SMOC2: variants seen among roughly 807,000 people sequenced by gnomAD.
SMOC2 encodes SPARC related modular calcium binding 2.
In SMOC2, 39 loss-of-function variants were observed where a neutral mutation model predicts 61.4. The ratio of observed to expected loss-of-function variants is 0.64; its 90% CI spans 0.49 to 0.83. The LOEUF (loss-of-function observed/expected upper bound fraction) is 0.83, where lower values mean the gene tolerates loss of function less well. Among genes scored for constraint, SMOC2 ranks in the 40% least tolerant of loss-of-function variants. The pLI, the probability that SMOC2 is intolerant of heterozygous loss-of-function variation, is 0.00. For synonymous variants in SMOC2, 247 were observed against 239.9 expected, an observed-to-expected ratio of 1.03 and a Z score of -0.27; for missense variants, 556 against 592.9, an observed-to-expected ratio of 0.94 and a Z score of 0.65.
At chr6:168,573,880 C>A (rs1454979528) in intron 7 of SMOC2, among the ~76,000 whole-genome samples, 1 of 152,202 alleles carries the variant, frequency 6.6e-6, no homozygotes, top group Non-Finnish European at 1.5e-5. Context: ...CAGATCTTAT[C>A]TCCAGTGACT....
chr6:168,536,954 G>A (rs993441876), intron 4 of SMOC2, among the ~76,000 whole-genome samples: 1 of 152,116 alleles, frequency 6.6e-6, no homozygotes, highest in East Asian at 2.0e-4. Context: ...TGGCAGGGTC[G>A]GGGCAGCAGG....
At chr6:168,502,125 G>A (rs16887004) in intron 1 of SMOC2, among the ~76,000 whole-genome samples, 4,801 of 152,314 alleles carry the variant, frequency 0.032, 352 homozygotes, top group East Asian at 0.22. Context: ...ACACAGTAGA[G>A]TTGAAATGGC....
At chr6:168,551,252 T>TC (rs1313271214) in intron 7 of SMOC2, among the ~76,000 whole-genome samples, 7 of 151,934 alleles carry the variant, frequency 4.6e-5, no homozygotes, top group African/African-American at 1.7e-4. Context: ...GAACCGTGAG[T>TC]CCATTAAACC....
At chr6:168,539,757 C>T (rs942409404) in intron 4 of SMOC2, among the ~76,000 whole-genome samples, 2 of 152,204 alleles carry the variant, frequency 1.3e-5, no homozygotes, top group Non-Finnish European at 2.9e-5. Flanking sequence ...TGCGTGGTCT[C>T]CTGGCCCTCC....
chr6:168,472,250 C>A (rs566681657), intron 1 of SMOC2, among the ~76,000 whole-genome samples: 1 of 152,242 alleles, frequency 6.6e-6, no homozygotes, highest in East Asian at 1.9e-4. Context: ...GGTCCAACTT[C>A]GTTGTTTTGC....
chr6:168,547,786 T>C (rs1448132889), intron 6 of SMOC2, among the ~76,000 whole-genome samples: 4 of 152,024 alleles, frequency 2.6e-5, no homozygotes, highest in African/African-American at 4.8e-5. Context: ...TCCAGCCTTA[T>C]GAGGGCACCC....
At chr6:168,523,622 A>T (rs1012931619) in intron 2 of SMOC2, among the ~76,000 whole-genome samples, 2 of 150,794 alleles carry the variant, frequency 1.3e-5, no homozygotes, top group African/African-American at 4.9e-5. Context: ...GATGGTCTTC[A>T]TCTCCTGACC....
intron 1 of SMOC2, among the ~76,000 whole-genome samples, chr6:168,451,887 C>G (rs991210739): frequency 1.3e-5 from 2 of 152,144 alleles, no homozygotes; most frequent in African/African-American, 4.8e-5. Context: ...CTCTTGGCAT[C>G]TCTCCCACCA....
At chr6:168,474,187 G>A (rs1045910939) in intron 1 of SMOC2, among the ~76,000 whole-genome samples, 1 of 152,104 alleles carries the variant, frequency 6.6e-6, no homozygotes, top group Admixed American at 6.5e-5. Flanking sequence ...GCACAGACCC[G>A]ATCCTGGCTT....
intron 7 of SMOC2, among the ~76,000 whole-genome samples, chr6:168,592,656 C>T (rs1212827745): frequency 7.7e-6 from 1 of 130,388 alleles, no homozygotes; most frequent in African/African-American, 2.9e-5. Flanking sequence ...GATCGCTGAG[C>T]TCCTCCTCCT....
intron 7 of SMOC2, among the ~76,000 whole-genome samples, chr6:168,573,672 C>T (rs1051820285): frequency 7.9e-5 from 12 of 152,114 alleles, no homozygotes; most frequent in Admixed American, 6.5e-5. Context: ...GTGGCCCCTG[C>T]GTGCCCTGGT....
At chr6:168,640,996 C>T (rs1036460492) in intron 9 of SMOC2, among the ~76,000 whole-genome samples, 2 of 152,168 alleles carry the variant, frequency 1.3e-5, no homozygotes, top group African/African-American at 2.4e-5. Context: ...AAAGTCATTC[C>T]TAAGAACGAC....
At chr6:168,474,859 C>T (rs145183377) in intron 1 of SMOC2, among the ~76,000 whole-genome samples, 23 of 152,286 alleles carry the variant, frequency 1.5e-4, no homozygotes, top group Middle Eastern at 3.4e-3. Flanking sequence ...TATTTGGATA[C>T]TGAAGTGCCA....
chr6:168,520,925 C>G (rs1376224135), intron 2 of SMOC2, among the ~76,000 whole-genome samples: 1 of 152,144 alleles, frequency 6.6e-6, no homozygotes, highest in Admixed American at 6.5e-5. Flanking sequence ...TCAAAGATCC[C>G]TTTTAACTGT....
intron 11 of SMOC2, among the ~76,000 whole-genome samples, chr6:168,656,014 A>G (rs933119384): frequency 1.3e-5 from 2 of 152,240 alleles, no homozygotes; most frequent in Non-Finnish European, 2.9e-5. Flanking sequence ...TGTGTGCTGG[A>G]TCTCATTCCA....
At position 168,497,737 on chromosome 6, in the gene SMOC2, G is replaced by A. The variant is rs533827124; in HGVS notation, c.85-12178G>A. On this transcript the variant is annotated intron_variant, in intron 1 of 12. Transcript: ENST00000356284. ...TCGGTTTTCGGGTTATTCAATCATC[G>A]CCCTGCATTGGCAGCTAAGCATTCT... 6.6e-5 allele frequency among the ~76,000 whole-genome samples: 10 copies of A among 152,290 alleles called. No homozygotes were observed. In the East Asian group the frequency reaches 1.4e-3, roughly 21 times the overall value.
intron 7 of SMOC2, among the ~76,000 whole-genome samples, chr6:168,559,474 TA>T (rs1375099259): frequency 1.1e-3 from 96 of 84,914 alleles, no homozygotes; most frequent in African/African-American, 2.4e-3. Context: ...AAAATAAAAA[TA>T]AAAATAAAAT....
chr6:168,465,479 A>C (rs112793562), intron 1 of SMOC2, among the ~76,000 whole-genome samples: 1 of 152,122 alleles, frequency 6.6e-6, no homozygotes, highest in Non-Finnish European at 1.5e-5. Flanking sequence ...AAAAAAAAAA[A>C]AGAAAAAAGA....
Position 168,634,363 on chromosome 6 carries a change from G to T in SMOC2, c.908-16318G>T, listed in dbSNP as rs535965147. ...GCATGGCACAGGACTTATTGCATGC[G>T]ATAATTGTGCATCAAGGGTTGGCTG... is the stretch of plus-strand genomic sequence containing the variant. On this transcript the variant is annotated intron_variant, in intron 9 of 12. Coordinates refer to ENST00000356284, the MANE Select transcript of SMOC2 (RefSeq NM_001166412.2). Among the ~76,000 whole-genome samples the T allele has an allele frequency of 2.2e-3, 340 of 152,290 alleles. 2 individuals are homozygous for T. Among genetic ancestry groups the T allele is most frequent in the African/African-American group, 7.8e-3 (325 of 41,550 alleles).
Sources: gnomAD v4.1 joint callset for allele counts (sites outside exome capture counted in the v4.1 genomes callset) on GRCh38, gnomAD v4.1.1 for gene constraint, MANE v1.5 for transcripts, NCBI Gene and HGNC (gene_info 2026-07-23, HGNC 2026-07-21) for gene names.